Variants in DMD observed in about 807,000 individuals in gnomAD.
The protein encoded by DMD is dystrophin.
Under a neutral mutation model 330.1 loss-of-function variants are expected in DMD, and 63 were observed. That is an observed-to-expected ratio of 0.19 (90% CI 0.16 to 0.24). The LOEUF (loss-of-function observed/expected upper bound fraction) is 0.24, where lower values mean the gene tolerates loss of function less well. Ranked by LOEUF, DMD falls within the 10% of genes least tolerant of loss-of-function variation. The pLI, the probability that DMD is intolerant of heterozygous loss-of-function variation, is 1.00. For missense variants in DMD, 3,344 were observed against 2,684.1 expected (o/e 1.25, Z -5.43); for synonymous variants, 1,223 against 959.8 (o/e 1.27, Z -5.07).
intron 63 of DMD, among the ~76,000 whole-genome samples, chrX:31,231,953 G>A (rs950278186): frequency 9.0e-6 from 1 of 110,766 alleles, no homozygotes; most frequent in African/African-American, 3.3e-5. Flanking sequence ...AGGAAGTGAT[G>A]AGACTGTATA....
intron 77 of DMD, 34 bp downstream of exon 77, chrX:31,134,068 C>G: frequency 1.7e-6 from 2 of 1,174,905 alleles, no homozygotes; most frequent in Non-Finnish European, 2.3e-6. Flanking sequence ...CTGATCCCAG[C>G]AAATCTGAGT....
At chrX:32,564,939 C>T (rs931946924) in intron 16 of DMD, among the ~76,000 whole-genome samples, 3 of 111,480 alleles carry the variant, frequency 2.7e-5, no homozygotes, top group African/African-American at 9.8e-5. Flanking sequence ...CCTTATAATG[C>T]CAGGCTATGT....
intron 30 of DMD, among the ~76,000 whole-genome samples, chrX:32,406,256 C>G (rs1042635651): frequency 1.8e-5 from 2 of 111,260 alleles, no homozygotes; most frequent in East Asian, 5.7e-4. Context: ...CCTTCTCCTG[C>G]CTAATTGCCC....
At chrX:32,793,788 C>A (rs2075993161) in intron 7 of DMD, among the ~76,000 whole-genome samples, 2 of 111,402 alleles carry the variant, frequency 1.8e-5, no homozygotes, top group Non-Finnish European at 1.9e-5. Flanking sequence ...CGAAGACAGT[C>A]CAGGACCAGA....
chrX:32,856,993 T>G (rs1388522216), intron 2 of DMD, among the ~76,000 whole-genome samples: 1 of 108,759 alleles, frequency 9.2e-6, no homozygotes, highest in Non-Finnish European at 1.9e-5. Context: ...GAGAACGGCG[T>G]GAACCCGGGA....
chrX:31,209,428 T>C, intron 65 of DMD, 70 bp downstream of exon 65: 1 of 1,049,474 alleles, frequency 9.5e-7, no homozygotes, highest in Admixed American at 2.2e-5. Context: ...TAATGCTAAT[T>C]ACACTTCACC....
At chrX:31,373,682 A>C (rs2059724301) in intron 60 of DMD, among the ~76,000 whole-genome samples, 1 of 111,391 alleles carries the variant, frequency 9.0e-6, no homozygotes, top group Admixed American at 9.6e-5. Context: ...AGATGGATTA[A>C]AGACTTAAAT....
chrX:32,179,892 C>T (rs1457575291), intron 44 of DMD, among the ~76,000 whole-genome samples: 2 of 111,913 alleles, frequency 1.8e-5, no homozygotes, highest in Non-Finnish European at 1.9e-5. Flanking sequence ...ACCCCTTCAC[C>T]TTCCACCATG....
intron 44 of DMD, among the ~76,000 whole-genome samples, chrX:32,050,048 A>G (rs888915535): frequency 4.5e-5 from 5 of 111,979 alleles, no homozygotes; most frequent in African/African-American, 1.6e-4. Context: ...GTTTTTTAAT[A>G]AACGTATTTT....
chrX:31,760,862 T>G (rs942104360), intron 51 of DMD, among the ~76,000 whole-genome samples: 1 of 104,686 alleles, frequency 9.6e-6, no homozygotes, highest in Non-Finnish European at 2.0e-5. Context: ...GTTTTAAATA[T>G]AAAACATTGT....
intron 48 of DMD, among the ~76,000 whole-genome samples, chrX:31,856,320 T>C (rs1435791428): frequency 8.9e-6 from 1 of 112,308 alleles, no homozygotes; most frequent in Non-Finnish European, 1.9e-5. Flanking sequence ...ATTCCACTTC[T>C]AGGTGTTCTC....
At chrX:32,700,761 T>C (rs1329947635) in intron 7 of DMD, among the ~76,000 whole-genome samples, 1 of 111,252 alleles carries the variant, frequency 9.0e-6, no homozygotes, top group African/African-American at 3.3e-5. Context: ...AATGTGGCAA[T>C]GTATTTTCCT....
At chrX:31,125,057 T>C (rs1176283506) in intron 78 of DMD, among the ~76,000 whole-genome samples, 1 of 111,252 alleles carries the variant, frequency 9.0e-6, no homozygotes, top group Non-Finnish European at 1.9e-5. Flanking sequence ...ACACCTCAGG[T>C]AGTCAAGTCT....
intron 7 of DMD, among the ~76,000 whole-genome samples, chrX:32,703,949 A>G (rs757043775): frequency 2.7e-4 from 30 of 111,886 alleles, no homozygotes; most frequent in African/African-American, 7.5e-4. Context: ...TCTACTACAT[A>G]AAATGCTCAC....
intron 55 of DMD, among the ~76,000 whole-genome samples, chrX:31,523,740 G>A (rs994458658): frequency 3.6e-5 from 4 of 112,123 alleles, no homozygotes; most frequent in African/African-American, 1.3e-4. Context: ...CGGGGAAAGC[G>A]GAGGTAGGGC....
intron 12 of DMD, among the ~76,000 whole-genome samples, chrX:32,602,345 G>A (rs2056294890): frequency 9.0e-6 from 1 of 111,061 alleles, no homozygotes; most frequent in African/African-American, 3.3e-5. Flanking sequence ...TATAGTTACA[G>A]AATTAAAATC....
chrX:31,382,252 A>G (rs1268651374), intron 60 of DMD, among the ~76,000 whole-genome samples: 3 of 111,757 alleles, frequency 2.7e-5, no homozygotes, highest in African/African-American at 9.8e-5. Context: ...TCAGAATGCT[A>G]CAAGGTACAG....
intron 2 of DMD, among the ~76,000 whole-genome samples, chrX:32,983,339 A>G (rs763550686): frequency 9.0e-5 from 10 of 111,119 alleles, no homozygotes; most frequent in Non-Finnish European, 1.7e-4. Context: ...TTCAGGCTTC[A>G]CTTTCTTGTG....
At chrX:33,188,033 G>A (rs774500259) in intron 1 of DMD, among the ~76,000 whole-genome samples, 1 of 111,085 alleles carries the variant, frequency 9.0e-6, no homozygotes, top group Non-Finnish European at 1.9e-5. Flanking sequence ...ATCACTGGCT[G>A]AGAACTAGCT....
Sources: allele counts gnomAD v4.1 joint callset (sites outside exome capture counted in the v4.1 genomes callset), GRCh38; gene constraint gnomAD v4.1.1; transcripts MANE v1.5; gene names NCBI Gene and HGNC (gene_info 2026-07-23, HGNC 2026-07-21).